Variants in CDH13 observed in about 807,000 individuals in gnomAD.
The protein encoded by CDH13 is cadherin 13.
In CDH13, 24 loss-of-function variants were observed where a neutral mutation model predicts 63.8. The observed-to-expected ratio is 0.38, with a 90% CI of 0.27 to 0.53. CDH13 has a LOEUF of 0.53. CDH13 is among the 20% of genes least tolerant of loss of function. The pLI is 0.85. For missense variants in CDH13, 1,049 were observed against 903.1 expected (o/e 1.16, Z -2.07); for synonymous variants, 503 against 355.3 (o/e 1.42, Z -4.67).
intron 4 of CDH13, among the ~76,000 whole-genome samples, chr16:83,126,172 C>G (rs1597380539): frequency 6.6e-6 from 1 of 152,180 alleles, no homozygotes; most frequent in African/African-American, 2.4e-5. Context: ...AGAACCAGCA[C>G]TCAGGAAAAG....
Position 83,078,519 on chromosome 16 carries a change from G to C in CDH13, c.366+46301G>C, listed in dbSNP as rs114431579. ...GCCACTGCTGATCTCACAAGAGGTG[G>C]AGCTCAGGCAGTAATGCTCACTTGT... On this transcript the variant is annotated intron_variant, in intron 3 of 13. Transcript: ENST00000567109. Among the ~76,000 whole-genome samples, 240 of 152,308 alleles carry C rather than the reference G, an allele frequency of 1.6e-3. 3 individuals carry two copies. The highest frequency in any genetic ancestry group is 5.6e-3 in the African/African-American group (231 of 41,576).
At position 83,748,166 on chromosome 16, in the gene CDH13, G is replaced by A. The variant is rs1348161051; in HGVS notation, c.1597G>A (p.Val533Ile). Reference sequence around the variant, plus strand: ...GAATATTAACCCCATCAATGGGACTGTTGACACCACAGCTGTGCTGGACCG... The same window carrying A: ...GAATATTAACCCCATCAATGGGACTATTGACACCACAGCTGTGCTGGACCG... ...WLNINPINGT[V>I]DTTAVLDRES... The change falls in exon 11 of 14, where the codon GTT becomes ATT. Residue 533 changes from valine (V) to isoleucine (I), a missense_variant. Coordinates refer to ENST00000567109, the MANE Select transcript of CDH13 (RefSeq NM_001257.5). The A allele has an allele frequency of 1.9e-6, 3 of 1,613,922 alleles. No individual in the cohort carries two copies. The highest frequency in any genetic ancestry group is 3.3e-5 in the Admixed American group (2 of 60,022).
At chr16:83,329,100 G>A (rs557531025) in intron 5 of CDH13, among the ~76,000 whole-genome samples, 1 of 152,328 alleles carries the variant, frequency 6.6e-6, no homozygotes, top group South Asian at 2.1e-4. Flanking sequence ...CACTGTATCA[G>A]AATTATGTGG....
chr16:82,939,422 C>CA (rs967777786), intron 2 of CDH13, among the ~76,000 whole-genome samples: 5 of 60,770 alleles, frequency 8.2e-5, no homozygotes, highest in South Asian at 5.5e-4. Flanking sequence ...GACCTTAGCT[C>CA]AAAAAAAATT....
At chr16:83,749,620 C>G (rs985233010) in intron 11 of CDH13, among the ~76,000 whole-genome samples, 47 of 152,172 alleles carry the variant, frequency 3.1e-4, no homozygotes, top group African/African-American at 1.1e-3. Context: ...GAGGAGGAAA[C>G]TGACACGATG....
chr16:83,667,690 C>T (rs1457529309), intron 8 of CDH13, among the ~76,000 whole-genome samples: 1 of 152,174 alleles, frequency 6.6e-6, no homozygotes, highest in Non-Finnish European at 1.5e-5. Flanking sequence ...CAGGGTCTTG[C>T]TCTGTCACCC....
chr16:83,237,051 G>A (rs964340434), intron 5 of CDH13, among the ~76,000 whole-genome samples: 1 of 152,170 alleles, frequency 6.6e-6, no homozygotes, highest in East Asian at 1.9e-4. Context: ...GGAAGAGGGT[G>A]GGGCAGAGGG....
At chr16:83,559,941 A>G (rs1052514309) in intron 7 of CDH13, among the ~76,000 whole-genome samples, 1 of 152,326 alleles carries the variant, frequency 6.6e-6, no homozygotes, top group Non-Finnish European at 1.5e-5. Context: ...ACAGTTGGCC[A>G]ATATACATGT....
chr16:83,211,149 A>C (rs1357576646), intron 4 of CDH13, among the ~76,000 whole-genome samples: 2 of 139,038 alleles, frequency 1.4e-5, no homozygotes, highest in Non-Finnish European at 3.2e-5. Context: ...TTCCATCTCA[A>C]AAAAAAAAAA....
At chr16:82,637,435 T>TTTTTC (rs1908797692) in intron 1 of CDH13, among the ~76,000 whole-genome samples, 1 of 119,516 alleles carries the variant, frequency 8.4e-6, no homozygotes, top group Non-Finnish European at 1.8e-5. Flanking sequence ...TGCCTTTTTT[T>TTTTTC]TTTTTTTTTT....
At chr16:82,840,765 A>C (rs62035169) in intron 1 of CDH13, among the ~76,000 whole-genome samples, 3,082 of 152,104 alleles carry the variant, frequency 0.02, 48 homozygotes, top group South Asian at 0.053. Context: ...GACAGTAAAT[A>C]TGGAAGCTGC....
intron 2 of CDH13, among the ~76,000 whole-genome samples, chr16:82,868,922 A>G (rs1245163543): frequency 2.0e-5 from 3 of 152,188 alleles, no homozygotes; most frequent in African/African-American, 7.2e-5. Context: ...GAAAAACAAA[A>G]CAAAAAAACT....
chr16:83,758,950 T>C (rs530311176), intron 11 of CDH13, among the ~76,000 whole-genome samples: 1 of 152,310 alleles, frequency 6.6e-6, no homozygotes, highest in East Asian at 1.9e-4. Context: ...GGTATTGAAA[T>C]GACAATTCTT....
chr16:82,661,144 T>C (rs1272670854), intron 1 of CDH13, among the ~76,000 whole-genome samples: 1 of 152,178 alleles, frequency 6.6e-6, no homozygotes, highest in African/African-American at 2.4e-5. Flanking sequence ...TTCCTTTGCC[T>C]CTTTTCATCC....
chr16:83,559,203 A>T (rs774483604), intron 7 of CDH13, among the ~76,000 whole-genome samples: 9 of 152,184 alleles, frequency 5.9e-5, no homozygotes, highest in Non-Finnish European at 1.2e-4. Flanking sequence ...AGTGAATAAT[A>T]ATGTTGTGAG....
At chr16:82,976,308 G>C (rs1228493532) in intron 2 of CDH13, among the ~76,000 whole-genome samples, 2 of 152,068 alleles carry the variant, frequency 1.3e-5, no homozygotes, top group Non-Finnish European at 2.9e-5. Flanking sequence ...GTGCCCAGGT[G>C]GGGGCCGATT....
At chr16:83,488,779 C>T (rs529490746) in intron 7 of CDH13, among the ~76,000 whole-genome samples, 3 of 152,062 alleles carry the variant, frequency 2.0e-5, no homozygotes, top group African/African-American at 4.8e-5. Context: ...CGCCTGCCAC[C>T]ACACCTGGCT....
intron 4 of CDH13, among the ~76,000 whole-genome samples, chr16:83,161,197 C>T (rs1567462212): frequency 6.6e-6 from 1 of 152,088 alleles, no homozygotes; most frequent in Non-Finnish European, 1.5e-5. Context: ...TTAATTAAAG[C>T]CTCCAGTTTC....
intron 6 of CDH13, among the ~76,000 whole-genome samples, chr16:83,480,482 G>C (rs9930243): frequency 0.53 from 79,822 of 151,996 alleles, 21,307 homozygotes; most frequent in East Asian, 0.83. Context: ...GGTTAGGAGA[G>C]AACTGGCTCA....
Sources: allele counts gnomAD v4.1 joint callset (sites outside exome capture counted in the v4.1 genomes callset), GRCh38; gene constraint gnomAD v4.1.1; transcripts MANE v1.5; gene names NCBI Gene and HGNC (gene_info 2026-07-23, HGNC 2026-07-21).